Variants in PEBP4 observed in about 807,000 individuals in gnomAD.
The protein encoded by PEBP4 is phosphatidylethanolamine binding protein 4.
In PEBP4, 22 loss-of-function variants were observed where a neutral mutation model predicts 23.9. The ratio of observed to expected loss-of-function variants is 0.92; its 90% confidence interval spans 0.66 to 1.31. The LOEUF (loss-of-function observed/expected upper bound fraction) is 1.31, where lower values mean the gene tolerates loss of function less well. PEBP4 is among the 40% of genes most tolerant of loss of function. PEBP4 has a pLI of 0.00. For synonymous variants in PEBP4, 112 were observed against 99.3 expected, an observed-to-expected ratio of 1.13 and a Z score of -0.76; for missense variants, 324 against 281.7, an observed-to-expected ratio of 1.15 and a Z score of -1.07.
chr8:22,914,388 G>A (rs193178063), intron 3 of PEBP4, among the ~76,000 whole-genome samples: 5 of 152,210 alleles, frequency 3.3e-5, no homozygotes, highest in East Asian at 1.9e-4. Context: ...GACCCACTTC[G>A]TAAATATTAC....
At chr8:22,823,319 C>T (rs1806897823) in intron 3 of PEBP4, among the ~76,000 whole-genome samples, 1 of 151,870 alleles carries the variant, frequency 6.6e-6, no homozygotes, top group Non-Finnish European at 1.5e-5. Flanking sequence ...CTATTTCTTT[C>T]AGACACCAGA....
At chr8:22,784,010 A>G (rs1185981397) in intron 4 of PEBP4, among the ~76,000 whole-genome samples, 1 of 152,090 alleles carries the variant, frequency 6.6e-6, no homozygotes, top group Non-Finnish European at 1.5e-5. Context: ...AGGAGGTTGA[A>G]CCCCAGAGTG....
rs148015046 is a variant in PEBP4, at chr8:22,927,599, T to C, written c.116A>G (p.Asp39Gly). 5.1e-4 allele frequency: 820 copies of C among 1,611,606 alleles called. 11 individuals carry two copies. The East Asian group carries it at 0.017, about 33-fold the overall frequency. ...PCAHEALLDE[D>G]TLFCQGLEVF... is the part of the protein sequence containing the mutation. ...CCTGACTTACTGGCAAAAGAGGGTGTCCTCGTCCAAGAGGGCCTCATGGGC... is the reference window on the plus strand; with the variant it reads ...CCTGACTTACTGGCAAAAGAGGGTGCCCTCGTCCAAGAGGGCCTCATGGGC... Residue 39 changes from aspartate (D) to glycine (G), a missense_variant, in exon 2 of 7, where the codon GAC (aspartate) becomes GGC (glycine). Asp to Gly is a moderately conservative substitution (Grantham distance 94). Transcript: ENST00000256404.
intron 4 of PEBP4, among the ~76,000 whole-genome samples, chr8:22,748,469 G>C (rs1413455600): frequency 6.6e-6 from 1 of 151,704 alleles, no homozygotes; most frequent in African/African-American, 2.4e-5. Flanking sequence ...GATGCCTGAG[G>C]GGAGAGGGCA....
At chr8:22,904,416 A>G (rs1377092105) in intron 3 of PEBP4, among the ~76,000 whole-genome samples, 1 of 152,176 alleles carries the variant, frequency 6.6e-6, no homozygotes, top group Non-Finnish European at 1.5e-5. Flanking sequence ...GTAATTCACA[A>G]AAAGTTGGGC....
At chr8:22,792,200 C>A (rs1294906057) in intron 4 of PEBP4, among the ~76,000 whole-genome samples, 5 of 152,116 alleles carry the variant, frequency 3.3e-5, no homozygotes, top group Non-Finnish European at 7.4e-5. Context: ...GTGAGGGAAT[C>A]TGTGTGGACA....
At chr8:22,730,144 T>C (rs1804701475) in intron 4 of PEBP4, among the ~76,000 whole-genome samples, 1 of 152,212 alleles carries the variant, frequency 6.6e-6, no homozygotes, top group South Asian at 2.1e-4. Flanking sequence ...GGAGGCATCA[T>C]TTTCCAAAGA....
intron 4 of PEBP4, among the ~76,000 whole-genome samples, chr8:22,728,529 CTTCTTTCTTCCTTCCTTTCTTTCTTTCT>C (rs1804662549): frequency 1.4e-5 from 2 of 147,000 alleles, no homozygotes; most frequent in African/African-American, 5.3e-5. Flanking sequence ...TGCTGGCTTG[CTTCTTTCTTCCTTCCTTTCTTTCTTTCT>C]TTCTTCCTTC....
In PEBP4 at chr8:22,775,481, G is replaced by A. The variant is rs573360222; in HGVS notation, c.357+42156C>T. ...CCGTGGGTGGTGTTCACGTATGGAG[G>A]GGGGGGATTTCTTTTTAAGAGACAA... On this transcript the variant is annotated intron_variant, in intron 4 of 6. Coordinates refer to ENST00000256404, the MANE Select transcript of PEBP4 (RefSeq NM_144962.3). This position sits in a 1 kb window ranked among gnomAD's most constrained non-coding sequence, Gnocchi z 4.8. Among the ~76,000 whole-genome samples the A allele has an allele frequency of 2.0e-5, 3 of 152,124 alleles. No individual in the cohort carries two copies. Among genetic ancestry groups the A allele is most frequent in the African/African-American group, 2.4e-5 (1 of 41,434 alleles).
chr8:22,912,154 G>A (rs927299551), intron 3 of PEBP4, among the ~76,000 whole-genome samples: 1 of 152,204 alleles, frequency 6.6e-6, no homozygotes, highest in South Asian at 2.1e-4. Flanking sequence ...TTAAGACTGG[G>A]AATCCTCCTA....
At chr8:22,908,012 C>CAA (rs35883467) in intron 3 of PEBP4, among the ~76,000 whole-genome samples, 103 of 140,188 alleles carry the variant, frequency 7.3e-4, no homozygotes, top group South Asian at 2.3e-3. Flanking sequence ...GACCCTGTCT[C>CAA]AAAAAAAAAA....
intron 4 of PEBP4, among the ~76,000 whole-genome samples, chr8:22,771,394 C>A (rs912984486): frequency 2.6e-5 from 4 of 152,068 alleles, no homozygotes; most frequent in African/African-American, 9.7e-5. Context: ...GAGGCAGAGG[C>A]AGGAGAATCA....
chr8:22,808,448 T>C (rs1806548496), intron 4 of PEBP4, among the ~76,000 whole-genome samples: 1 of 152,222 alleles, frequency 6.6e-6, no homozygotes, highest in African/African-American at 2.4e-5. Flanking sequence ...CTGGGCTAAG[T>C]GCTAAGAATA....
chr8:22,811,919 T>C (rs1432248319), intron 4 of PEBP4, among the ~76,000 whole-genome samples: 2 of 152,224 alleles, frequency 1.3e-5, no homozygotes, highest in Non-Finnish European at 2.9e-5. Context: ...GTAGCTGCTA[T>C]GGTCAGATGT....
intron 3 of PEBP4, among the ~76,000 whole-genome samples, chr8:22,881,097 A>C (rs942537734): frequency 3.3e-5 from 5 of 152,198 alleles, no homozygotes; most frequent in African/African-American, 7.2e-5. Flanking sequence ...AGGGAAGAAG[A>C]AGCCAGGATA....
At chr8:22,818,505 A>C (rs1374532882) in intron 3 of PEBP4, among the ~76,000 whole-genome samples, 1 of 152,110 alleles carries the variant, frequency 6.6e-6, no homozygotes, top group Non-Finnish European at 1.5e-5. Context: ...AGCAAGGGGG[A>C]GGGTGGACAT....
chr8:22,861,813 G>A (rs1185997150), intron 3 of PEBP4, among the ~76,000 whole-genome samples: 1 of 152,146 alleles, frequency 6.6e-6, no homozygotes, highest in African/African-American at 2.4e-5. Flanking sequence ...TGGTGGACAG[G>A]AGAAAATGAA....
intron 3 of PEBP4, among the ~76,000 whole-genome samples, chr8:22,863,450 T>C (rs967899028): frequency 6.6e-6 from 1 of 152,168 alleles, no homozygotes; most frequent in Non-Finnish European, 1.5e-5. Flanking sequence ...CAGTCATAGA[T>C]AGTTGGCAGC....
At chr8:22,727,318 T>C in intron 4 of PEBP4, 98 bp from the exon 5 acceptor site, 1 of 1,167,930 alleles carries the variant, frequency 8.6e-7, no homozygotes, top group Non-Finnish European at 1.2e-6. Flanking sequence ...AGGAGGAGGA[T>C]GGGAGAGGAA....
Sources: gnomAD v4.1 joint callset for allele counts (sites outside exome capture counted in the v4.1 genomes callset) on GRCh38, gnomAD v4.1.1 for gene constraint, Gnocchi (gnomAD v3.1) non-coding constraint, MANE v1.5 for transcripts, NCBI Gene and HGNC (gene_info 2026-07-23, HGNC 2026-07-21) for gene names.